The following TACC1 variants were observed in gnomAD, a reference collection of about 807,000 sequenced individuals.
TACC1 encodes transforming acidic coiled-coil containing protein 1.
TACC1 carries 48 observed loss-of-function variants against 84.4 expected under a neutral mutation model. The ratio of observed to expected loss-of-function variants is 0.57; its 90% CI spans 0.45 to 0.72. The LOEUF (loss-of-function observed/expected upper bound fraction) is 0.72. Among genes scored for constraint, TACC1 ranks in the 30% least tolerant of loss-of-function variants. The pLI, the probability that TACC1 is intolerant of heterozygous loss-of-function variation, is 0.00. For synonymous variants in TACC1, 372 were observed against 376.3 expected (o/e 0.99, Z 0.13); for missense variants, 920 against 973.0 (o/e 0.95, Z 0.72).
intron 1 of TACC1, 180 bp from the exon 2 acceptor site, chr8:38,788,524 C>G (rs1031910582): frequency 7.7e-6 from 4 of 516,312 alleles, no homozygotes; most frequent in African/African-American, 7.7e-5. Flanking sequence ...CCTGAGAAAC[C>G]CAAGGAGGGC....
intron 7 of TACC1, 38 bp downstream of exon 7, chr8:38,836,325 T>C (rs1490813109): frequency 6.3e-7 from 1 of 1,593,434 alleles, no homozygotes. Context: ...ATCACTCCAT[T>C]TCTTTGTAAG....
chr8:38,730,985 A>G (rs1804819136), intron 1 of TACC1, among the ~76,000 whole-genome samples: 1 of 152,062 alleles, frequency 6.6e-6, no homozygotes, highest in Admixed American at 6.6e-5. Context: ...GCAGTGGTAC[A>G]GTCCTAGTTC....
At chr8:38,842,152 C>A (rs1831400319) in intron 9 of TACC1, 135 bp from the exon 10 acceptor site, 1 of 1,007,908 alleles carries the variant, frequency 9.9e-7, no homozygotes, top group African/African-American at 1.6e-5. Flanking sequence ...TCTCCCCCAA[C>A]TAGAGTATAA....
chr8:38,823,050 A>G (rs1827234520), intron 3 of TACC1, among the ~76,000 whole-genome samples: 1 of 152,220 alleles, frequency 6.6e-6, no homozygotes, highest in African/African-American at 2.4e-5. Flanking sequence ...ACTGTAGATC[A>G]GTTGGGGAAA....
rs538695881 is a variant in TACC1 at position 38,756,902 on chromosome 8, C to T, written c.26+11409C>T. Among the ~76,000 whole-genome samples, 33 of 152,332 alleles carry T rather than the reference C, an allele frequency of 2.2e-4. No homozygotes were observed. In the South Asian group the frequency reaches 5.8e-3, roughly 27 times the overall value. On this transcript the variant is annotated intron_variant, in intron 3 of 14. Coordinates refer to the TACC1 transcript ENST00000518415. Reference sequence around the variant, plus strand: ...CTTCTCTGAACAGCAGCTCCCGGGGCCTCTTCCCGCGGCTTCCCTTCCAGC... The same window carrying T: ...CTTCTCTGAACAGCAGCTCCCGGGGTCTCTTCCCGCGGCTTCCCTTCCAGC...
intron 4 of TACC1, among the ~76,000 whole-genome samples, chr8:38,826,100 C>G (rs772830307): frequency 3.0e-4 from 45 of 152,116 alleles, no homozygotes; most frequent in Non-Finnish European, 8.8e-5. Context: ...ATACTTATTA[C>G]AGAAATACAT....
intron 3 of TACC1, among the ~76,000 whole-genome samples, chr8:38,762,915 C>T (rs1299870993): frequency 6.6e-6 from 1 of 152,124 alleles, no homozygotes; most frequent in African/African-American, 2.4e-5. Flanking sequence ...TGAGTCCCTG[C>T]TTGCAGCTCT....
At chr8:38,806,468 GT>G (rs751587349) in intron 2 of TACC1, among the ~76,000 whole-genome samples, 6 of 152,052 alleles carry the variant, frequency 3.9e-5, no homozygotes, top group Non-Finnish European at 8.8e-5. Flanking sequence ...GTGTATGTGT[GT>G]GTGTGTGAGA....
At position 38,819,850 on chromosome 8, in the gene TACC1, G is replaced by C. The variant is rs748195484; in HGVS notation, c.606G>C (p.Gly202=). 6.2e-7 allele frequency: 1 copy of C among 1,613,916 alleles called. No individual in the cohort carries two copies. The highest frequency in any genetic ancestry group is 8.5e-7 in the Non-Finnish European group (1 of 1,180,050). The change falls in exon 3 of 13, where the codon GGG becomes GGC. Residue 202 remains glycine, a synonymous_variant. Coordinates refer to ENST00000317827, the MANE Select transcript of TACC1 (RefSeq NM_006283.3). ...QDEAMTEGSM[G]VTLEASAEAD... is the part of the protein sequence containing the mutation. Reference sequence around the variant, plus strand: ...AGGCGATGACAGAAGGCAGCATGGGGGTCACCCTCGAGGCCTCCGCAGAAG... The same window carrying C: ...AGGCGATGACAGAAGGCAGCATGGGCGTCACCCTCGAGGCCTCCGCAGAAG...
At chr8:38,746,602 G>A (rs1808131828) in intron 3 of TACC1, among the ~76,000 whole-genome samples, 1 of 152,118 alleles carries the variant, frequency 6.6e-6, no homozygotes, top group African/African-American at 2.4e-5. Flanking sequence ...CTCATTTTGA[G>A]TAATTTTGAT....
At position 38,820,473 on chromosome 8, in the gene TACC1, C is replaced by T. The variant is rs1426011361; in HGVS notation, c.1229C>T (p.Ser410Phe). ...HSVLQNSPPL[S>F]SEGSYHFDPD... is the part of the protein sequence containing the mutation. ...GTTCTGCAGAACTCCCCACCCCTCT[C>T]TTCTGAGGGCTCCTACCACTTTGAC... The change falls in exon 3 of 13, where the codon TCT becomes TTT. Residue 410 changes from serine to phenylalanine, a missense_variant. Transcript: ENST00000317827. The T allele has an allele frequency of 3.1e-6, 5 of 1,614,128 alleles. No individual in the cohort carries two copies. The highest frequency in any genetic ancestry group is 4.2e-6 in the Non-Finnish European group (5 of 1,180,050).
chr8:38,798,587 G>A (rs981870596), intron 2 of TACC1, among the ~76,000 whole-genome samples: 1 of 148,208 alleles, frequency 6.7e-6, no homozygotes, highest in East Asian at 2.0e-4. Context: ...TAAACAGGTA[G>A]TTTGTTGTCT....
chr8:38,848,081 A>G lies in TACC1; in HGVS notation c.*58A>G. The G allele has an allele frequency of 1.3e-6, 2 of 1,510,420 alleles. No individual in the cohort carries two copies. The highest frequency in any genetic ancestry group is 2.3e-5 in the East Asian group (1 of 43,980). The allele number at this position is 1,510,420 out of a possible 1,614,324, so 93.6% of individuals were successfully genotyped here. On this transcript the variant is annotated 3_prime_UTR_variant, in exon 13 of 13. Coordinates refer to ENST00000317827, the MANE Select transcript of TACC1 (RefSeq NM_006283.3). ...TTTGGCTGCTTCTCTTGTGACCACA[A>G]TTATCTTGCCTTATCCAGGAATAAT...
At chr8:38,732,608 A>G (rs1456238878) in intron 1 of TACC1, among the ~76,000 whole-genome samples, 1 of 152,228 alleles carries the variant, frequency 6.6e-6, no homozygotes, top group Non-Finnish European at 1.5e-5. Flanking sequence ...ACATTGACTG[A>G]GCACTTACTA....
chr8:38,836,317 C>A (rs1221085977), intron 7 of TACC1, 30 bp downstream of exon 7: 5 of 1,596,518 alleles, frequency 3.1e-6, no homozygotes, highest in Non-Finnish European at 8.5e-7. Context: ...GTCTGCTTAT[C>A]ACTCCATTTC....
At chr8:38,745,631 C>T (rs1426910596) in intron 3 of TACC1, 2 of 558,896 alleles carry the variant, frequency 3.6e-6, no homozygotes, top group Admixed American at 3.2e-5. Context: ...GCAGCCTCTG[C>T]CTCCTGGGTT....
rs11440274 is a variant in TACC1, at chr8:38,840,059, T to TAAA, written c.1917-147_1917-145dup. 349 of 189,218 alleles carry TAAA rather than the reference T, an allele frequency of 1.8e-3. 2 individuals carry two copies. Among genetic ancestry groups the TAAA allele is most frequent in the African/African-American group, 5.5e-3 (164 of 29,800 alleles). 11.7% of individuals were successfully genotyped at this position (189,218 alleles called of 1,614,324 possible). A position where few individuals can be genotyped will look rare whatever the true frequency, so the allele number is the denominator to read the frequency against. The stretch of plus-strand genomic sequence containing the variant: ...GAACCTTAAGAAACCTTATATAATG[T>TAAA]AAAAAAAAAAAAAAAAAAAAGATAA... On this transcript the variant is annotated intron_variant, in intron 8 of 12. Coordinates refer to ENST00000317827, the MANE Select transcript of TACC1 (RefSeq NM_006283.3).
chr8:38,735,736 C>A (rs2151634368), intron 1 of TACC1, among the ~76,000 whole-genome samples: 1 of 152,272 alleles, frequency 6.6e-6, no homozygotes, highest in South Asian at 2.1e-4. Flanking sequence ...TGTAAATGGT[C>A]CCTTTATTAA....
In TACC1 at chr8:38,763,139, T is replaced by TTTG. The variant is rs539652779; in HGVS notation, c.26+17670_26+17672dup. ...CCAATGGGTGCGAAGTGGTATCTCA[T>TTTG]TTGTTGTTGTTGTTGTTGTTGTTGT... On this transcript the variant is annotated intron_variant, in intron 3 of 14. Coordinates refer to the TACC1 transcript ENST00000518415. 5.1e-3 allele frequency among the ~76,000 whole-genome samples: 774 copies of TTTG among 152,076 alleles called. 3 individuals carry two copies. The highest frequency in any genetic ancestry group is 0.013 in the Admixed American group (199 of 15,268).
Sources: gnomAD v4.1 joint callset for allele counts (sites outside exome capture counted in the v4.1 genomes callset) on GRCh38, gnomAD v4.1.1 for gene constraint, MANE v1.5 for transcripts, NCBI Gene and HGNC (gene_info 2026-07-23, HGNC 2026-07-21) for gene names.